Variants in KAT6A observed in about 807,000 individuals in gnomAD.
The protein encoded by KAT6A is lysine acetyltransferase 6A, also known as histone acetyltransferase KAT6A.
In KAT6A, 9 loss-of-function variants were observed where a neutral mutation model predicts 198.4. That is an observed-to-expected ratio of 0.05 (90% CI 0.03 to 0.08). KAT6A has a LOEUF of 0.08. Among genes scored for constraint, KAT6A ranks in the 10% least tolerant of loss-of-function variants. KAT6A has a pLI of 1.00. For synonymous variants in KAT6A, 890 were observed against 883.0 expected, an observed-to-expected ratio of 1.01 and a Z score of -0.14; for missense variants, 2,077 against 2,509.9, an observed-to-expected ratio of 0.83 and a Z score of 3.69.
intron 2 of KAT6A, among the ~76,000 whole-genome samples, chr8:42,038,470 A>C (rs1219078595): frequency 3.3e-5 from 5 of 152,228 alleles, no homozygotes; most frequent in African/African-American, 1.2e-4. Flanking sequence ...GTTTCCATTA[A>C]GGAAGAGAAT....
Position 41,931,508 on chromosome 8 carries a change from CA to C in KAT6A, c.*696del, listed in dbSNP as rs1407925013. On this transcript the variant is annotated 3_prime_UTR_variant, in exon 17 of 17. Transcript: ENST00000265713. ...TATATTACACTTGATTCAAGAACAA[CA>C]AAGATTTCAATGAAGTCCGTCTATA... 1.9e-5 allele frequency: 4 copies of C among 207,496 alleles called. No individual in the cohort carries two copies. Among genetic ancestry groups the C allele is most frequent in the Non-Finnish European group, 2.9e-5 (3 of 101,720 alleles). The allele number at this position is 207,496 out of a possible 1,614,324, so 12.9% of individuals were successfully genotyped here.
intron 2 of KAT6A, among the ~76,000 whole-genome samples, chr8:42,034,539 G>A (rs1204539526): frequency 1.1e-4 from 17 of 152,082 alleles, no homozygotes. Context: ...TTAGAAAGAT[G>A]GTAATAACAG....
chr8:42,049,151 C>A lies in KAT6A; in HGVS notation c.-174G>T. 1 of 626,478 alleles carries A rather than the reference C, an allele frequency of 1.6e-6. No homozygotes were observed. Among genetic ancestry groups the A allele is most frequent in the Non-Finnish European group, 2.7e-6 (1 of 367,252 alleles). The allele number at this position is 626,478 out of a possible 1,614,324, so 38.8% of individuals were successfully genotyped here. A position where few individuals can be genotyped will look rare whatever the true frequency, so the allele number is the denominator to read the frequency against. On this transcript the variant is annotated 5_prime_UTR_variant, in exon 2 of 17. The change abolishes the stop of an existing upstream ORF in the 5' untranslated region. Coordinates refer to ENST00000265713, the MANE Select transcript of KAT6A (RefSeq NM_006766.5). The stretch of plus-strand genomic sequence containing the variant: ...AAAACAGAATGCCACCCCAATTGTA[C>A]TATAGAAACCAAAACAACCTGTTGA...
Position 41,977,075 on chromosome 8 carries a change from G to A in KAT6A, c.1296C>T (p.Asp432=). Residue 432 remains aspartate, a synonymous_variant, in exon 7 of 17, where the codon GAC becomes GAT. Transcript: ENST00000265713. ...TTCTGATTCGATATTGCTCAGAGTA[G>A]TCCACCACTTCCCCCCGAGCTTTCC... ...DGRKARGEVV[D]YSEQYRIRKR... 6.2e-7 allele frequency: 1 copy of A among 1,614,136 alleles called. No homozygotes were observed. Among genetic ancestry groups the A allele is most frequent in the Non-Finnish European group, 8.5e-7 (1 of 1,180,012 alleles).
intron 5 of KAT6A, among the ~76,000 whole-genome samples, chr8:41,980,625 T>C (rs955187986): frequency 6.6e-6 from 1 of 152,214 alleles, no homozygotes; most frequent in African/African-American, 2.4e-5. Context: ...GATGGATGCC[T>C]AGATATTGAA....
At chr8:42,038,118 T>G (rs1333906373) in intron 2 of KAT6A, among the ~76,000 whole-genome samples, 1 of 152,196 alleles carries the variant, frequency 6.6e-6, no homozygotes, top group East Asian at 1.9e-4. Flanking sequence ...CTCAAGAATT[T>G]TAAATTCTAA....
At chr8:42,009,894 C>CAAAAAAAAAAAA (rs538642816) in intron 2 of KAT6A, among the ~76,000 whole-genome samples, 12 of 49,026 alleles carry the variant, frequency 2.4e-4, no homozygotes, top group Non-Finnish European at 3.7e-4. Context: ...AGCCCTGTCT[C>CAAAAAAAAAAAA]AAAAAAAAAA....
At position 41,931,525 on chromosome 8, in the gene KAT6A, T is replaced by C. The variant is rs990482808; in HGVS notation, c.*680A>G. On this transcript the variant is annotated 3_prime_UTR_variant, in exon 17 of 17. Transcript: ENST00000265713. ...AAGAACAACAAAGATTTCAATGAAG[T>C]CCGTCTATAAAGAAACATTCTTGGG... 1 of 207,410 alleles carries C rather than the reference T, an allele frequency of 4.8e-6. No homozygotes were observed. The highest frequency in any genetic ancestry group is 1.9e-4 in the South Asian group (1 of 5,256). The allele number at this position is 207,410 out of a possible 1,614,324, so 12.8% of individuals were successfully genotyped here.
rs529786432 is a variant in KAT6A at position 41,988,558 on chromosome 8, T to C, written c.601-995A>G. On this transcript the variant is annotated intron_variant, in intron 2 of 16. Coordinates refer to ENST00000265713, the MANE Select transcript of KAT6A (RefSeq NM_006766.5). ...AGACAAACGGGGAAAACTCCAAAGA[T>C]AGGTAAAACATTTAAACAGTGGTTA... is the stretch of plus-strand genomic sequence containing the variant. 1.2e-4 allele frequency among the ~76,000 whole-genome samples: 19 copies of C among 152,222 alleles called. No individual in the cohort carries two copies. In the East Asian group the frequency reaches 1.7e-3, roughly 14 times the overall value.
At chr8:42,005,149 A>G (rs1194556673) in intron 2 of KAT6A, among the ~76,000 whole-genome samples, 7 of 152,134 alleles carry the variant, frequency 4.6e-5, no homozygotes. Flanking sequence ...CCAGATTTTG[A>G]TTCTTATAAA....
intron 2 of KAT6A, among the ~76,000 whole-genome samples, chr8:42,008,214 T>G (rs1486665805): frequency 6.6e-6 from 1 of 151,884 alleles, no homozygotes; most frequent in South Asian, 2.1e-4. Context: ...TTAGGCAGAG[T>G]GTGAACATGA....
chr8:41,937,201 A>G lies in KAT6A; in HGVS notation c.3352+55T>C, dbSNP rs1029856843. The G allele has an allele frequency of 5.1e-6, 7 of 1,366,336 alleles. No homozygotes were observed. The African/African-American group carries it at 8.6e-5, about 17-fold the overall frequency. 84.6% of individuals were successfully genotyped at this position (1,366,336 alleles called of 1,614,324 possible). A position where few individuals can be genotyped will look rare whatever the true frequency, so the allele number is the denominator to read the frequency against. On this transcript the variant is annotated intron_variant, in intron 16 of 16. Coordinates refer to ENST00000265713, the MANE Select transcript of KAT6A (RefSeq NM_006766.5). ...TTTTACTGAAGGGTCTGTCACTGCT[A>G]CTGCTATATATCTGAAGACAATAAA...
chr8:41,954,969 G>C (rs1287249547), intron 9 of KAT6A, among the ~76,000 whole-genome samples: 2 of 151,920 alleles, frequency 1.3e-5, no homozygotes, highest in African/African-American at 4.8e-5. Context: ...ATTTATATAT[G>C]AGTTCTTCTC....
At chr8:42,027,411 G>A (rs917361500) in intron 2 of KAT6A, among the ~76,000 whole-genome samples, 1 of 152,142 alleles carries the variant, frequency 6.6e-6, no homozygotes, top group Non-Finnish European at 1.5e-5. Flanking sequence ...GAATTGAGAG[G>A]AAAGCCATCT....
intron 16 of KAT6A, 149 bp downstream of exon 16, chr8:41,937,107 G>C (rs1300402079): frequency 1.6e-6 from 1 of 615,912 alleles, no homozygotes; most frequent in Non-Finnish European, 2.8e-6. Context: ...GGATATACTT[G>C]ATACAACTTT....
At chr8:42,033,922 G>A (rs1159642952) in intron 2 of KAT6A, among the ~76,000 whole-genome samples, 1 of 152,142 alleles carries the variant, frequency 6.6e-6, no homozygotes, top group African/African-American at 2.4e-5. Context: ...TTCACTAATA[G>A]GAGACAGGCT....
At chr8:42,041,843 C>G (rs1311836725) in intron 2 of KAT6A, among the ~76,000 whole-genome samples, 1 of 151,724 alleles carries the variant, frequency 6.6e-6, no homozygotes, top group Non-Finnish European at 1.5e-5. Context: ...GCTACATTTT[C>G]CACGTCACTG....
intron 2 of KAT6A, among the ~76,000 whole-genome samples, chr8:42,029,541 A>C (rs1029169563): frequency 6.6e-6 from 1 of 151,226 alleles, no homozygotes; most frequent in Admixed American, 6.6e-5. Context: ...TCTATAGTTA[A>C]AAGCACTCAC....
At chr8:41,974,972 AAAT>A (rs1157979892) in intron 7 of KAT6A, 150 bp from the exon 8 acceptor site, 3 of 453,400 alleles carry the variant, frequency 6.6e-6, no homozygotes, top group East Asian at 3.4e-5. Flanking sequence ...GCTACTCAAT[AAAT>A]AATATTTATG....
Sources: gnomAD v4.1 joint callset for allele counts (sites outside exome capture counted in the v4.1 genomes callset) on GRCh38, gnomAD v4.1.1 for gene constraint, MANE v1.5 for transcripts, NCBI Gene and HGNC (gene_info 2026-07-23, HGNC 2026-07-21) for gene names.